Variants in ALG2 observed in about 807,000 individuals in gnomAD.
The protein encoded by ALG2 is alpha-1,3/1,6-mannosyltransferase ALG2.
In ALG2, 32 loss-of-function variants were observed where a neutral mutation model predicts 30.5. The observed-to-expected ratio is 1.05, with a 90% confidence interval of 0.79 to 1.41. The LOEUF is 1.41. Ranked by LOEUF, ALG2 falls within the 40% of genes most tolerant of loss-of-function variation. ALG2 has a pLI of 0.00. For synonymous variants in ALG2, 253 were observed against 224.8 expected (o/e 1.13, Z -1.12); for missense variants, 574 against 526.4 (o/e 1.09, Z -0.88).
Position 99,217,874 on chromosome 9 carries a change from T to C in ALG2, c.*60A>G. 2 of 1,580,506 alleles carry C rather than the reference T, an allele frequency of 1.3e-6. No homozygotes were observed. Among genetic ancestry groups the C allele is most frequent in the Non-Finnish European group, 8.7e-7 (1 of 1,150,440 alleles). Reference sequence around the variant, plus strand: ...TAGATTCTAGGTTTCTTTTTTGGTTTCAAAACTGGGTCTACAATCCATAAA... The same window carrying C: ...TAGATTCTAGGTTTCTTTTTTGGTTCCAAAACTGGGTCTACAATCCATAAA... On this transcript the variant is annotated 3_prime_UTR_variant, in exon 2 of 2. Coordinates refer to ENST00000476832, the MANE Select transcript of ALG2 (RefSeq NM_033087.4).
chr9:99,220,092 C>T (rs1427766647), intron 1 of ALG2, among the ~76,000 whole-genome samples: 1 of 152,218 alleles, frequency 6.6e-6, no homozygotes, highest in Non-Finnish European at 1.5e-5. Context: ...AGTAAAGTGA[C>T]ACAGCCTCCT....
At position 99,218,134 on chromosome 9, in the gene ALG2, C is replaced by G. The variant is rs1828726794; in HGVS notation, c.1051G>C (p.Glu351Gln). 1.2e-6 allele frequency: 2 copies of G among 1,611,296 alleles called. No homozygotes were observed. Among genetic ancestry groups the G allele is most frequent in the Admixed American group, 3.3e-5 (2 of 59,902 alleles). ...CCTGTGACACTGTGGTCAATGGACT[C>G]CAAGGGTCCACCCGAATTAACAGCA... Reference protein sequence around the residue: ...VIAVNSGGPLESIDHSVTGFL... With the variant: ...VIAVNSGGPLQSIDHSVTGFL... The change falls in exon 2 of 2, where the codon GAG becomes CAG. Residue 351 changes from glutamate to glutamine, a missense_variant. Physicochemically the swap from Glu to Gln is conservative, Grantham distance 29. Transcript: ENST00000476832.
rs960318802 is a variant in ALG2 at position 99,217,491 on chromosome 9, G to T, written c.*443C>A. 4.4e-6 allele frequency: 2 copies of T among 454,738 alleles called. No homozygotes were observed. Among genetic ancestry groups the T allele is most frequent in the African/African-American group, 4.0e-5 (2 of 50,006 alleles). The allele number at this position is 454,738 out of a possible 1,614,324, so 28.2% of individuals were successfully genotyped here. On this transcript the variant is annotated 3_prime_UTR_variant, in exon 2 of 2. Coordinates refer to ENST00000476832, the MANE Select transcript of ALG2 (RefSeq NM_033087.4). ...GACAAACAAAAATTCCCTAACAGAT[G>T]ACAGTGAACACTTCGGTGGATTGAA...
intron 1 of ALG2, 140 bp downstream of exon 1, chr9:99,221,407 G>A: frequency 1.9e-6 from 2 of 1,039,110 alleles, no homozygotes; most frequent in Non-Finnish European, 2.8e-6. Flanking sequence ...CCACAGGCTC[G>A]CTCACAACCC....
chr9:99,221,477 G>C, intron 1 of ALG2, 70 bp downstream of exon 1: 1 of 1,474,402 alleles, frequency 6.8e-7, no homozygotes, highest in Middle Eastern at 2.0e-4. Context: ...TCTTCTCTCA[G>C]GGGTCATGCC....
In ALG2 at chr9:99,218,204, A is replaced by G. The variant is rs34382969; in HGVS notation, c.981T>C (p.Phe327=). ...CVLYTPSNEH[F]GIVPLEAMYM... is the part of the protein sequence containing the mutation. ...ACATGGCTTCCAGAGGGACAATGCC[A>G]AAGTGCTCATTGCTTGGTGTGTAAA... is the stretch of plus-strand genomic sequence containing the variant. The change falls in exon 2 of 2, where the codon TTT becomes TTC. Residue 327 remains phenylalanine (F), a synonymous_variant. Coordinates refer to ENST00000476832, the MANE Select transcript of ALG2 (RefSeq NM_033087.4). 21 of 1,614,038 alleles carry G rather than the reference A, an allele frequency of 1.3e-5. No individual in the cohort carries two copies. The highest frequency in any genetic ancestry group is 6.7e-5 in the African/African-American group (5 of 74,936).
chr9:99,219,767 A>G (rs1828759629), intron 1 of ALG2, among the ~76,000 whole-genome samples: 1 of 152,248 alleles, frequency 6.6e-6, no homozygotes, highest in African/African-American at 2.4e-5. Context: ...AAAGCCACTT[A>G]ATTAAAGCAG....
At chr9:99,221,450 A>G in intron 1 of ALG2, 97 bp downstream of exon 1, 4 of 1,351,334 alleles carry the variant, frequency 3.0e-6, no homozygotes, top group Non-Finnish European at 4.1e-6. Context: ...ATCTTTGCGA[A>G]CCGCAGACAG....
At chr9:99,221,099 G>A (rs756223011) in intron 1 of ALG2, 2 of 1,362,630 alleles carry the variant, frequency 1.5e-6, no homozygotes, top group East Asian at 4.5e-5. Context: ...GGACGGTGTG[G>A]CCTGGCTCCG....
Position 99,221,658 on chromosome 9 carries a change from C to G in ALG2, c.237G>C (p.Leu79=). The change falls in exon 1 of 2, where the codon CTG becomes CTC. Residue 79 remains leucine, a synonymous_variant. Coordinates refer to ENST00000476832, the MANE Select transcript of ALG2 (RefSeq NM_033087.4). ...RCAGDWLPRG[L]GWGGRGAAVC... is the part of the protein sequence containing the mutation. Reference sequence around the variant, plus strand: ...CGGCGGCGCCGCGGCCGCCCCAGCCCAGGCCTCGCGGCAGCCAGTCCCCGG... The same window carrying G: ...CGGCGGCGCCGCGGCCGCCCCAGCCGAGGCCTCGCGGCAGCCAGTCCCCGG... 2.6e-6 allele frequency: 4 copies of G among 1,547,912 alleles called. No individual in the cohort carries two copies. Among genetic ancestry groups the G allele is most frequent in the Non-Finnish European group, 3.5e-6 (4 of 1,150,332 alleles).
chr9:99,220,134 T>C (rs1184397629), intron 1 of ALG2, among the ~76,000 whole-genome samples: 1 of 152,222 alleles, frequency 6.6e-6, no homozygotes, highest in Admixed American at 6.5e-5. Context: ...GCTATTGATA[T>C]TTAAAATGAA....
intron 1 of ALG2, 145 bp downstream of exon 1, chr9:99,221,402 G>T: frequency 9.9e-7 from 1 of 1,007,660 alleles, no homozygotes; most frequent in Non-Finnish European, 1.5e-6. Context: ...GAGAACCACA[G>T]GCTCGCTCAC....
Position 99,221,730 on chromosome 9 carries a change from G to A in ALG2, c.165C>T (p.Asp55=). 4 of 1,598,404 alleles carry A rather than the reference G, an allele frequency of 2.5e-6. No homozygotes were observed. Among genetic ancestry groups the A allele is most frequent in the Non-Finnish European group, 3.4e-6 (4 of 1,179,276 alleles). Reference sequence around the variant, plus strand: ...GGCTCTCGGCGAAACAGTGGCCCGGGTCGTAGTGCGCTGTCCAGATCTTCA... The same window carrying A: ...GGCTCTCGGCGAAACAGTGGCCCGGATCGTAGTGCGCTGTCCAGATCTTCA... ...CSVKIWTAHY[D]PGHCFAESRE... The change falls in exon 1 of 2, where the codon GAC becomes GAT. Residue 55 remains aspartate, a synonymous_variant. Transcript: ENST00000476832.
Position 99,216,752 on chromosome 9 carries a change from T to G in ALG2, c.*1182A>C, listed in dbSNP as rs996897017. The G allele has an allele frequency of 4.0e-5, 18 of 453,506 alleles. No homozygotes were observed. The highest frequency in any genetic ancestry group is 7.9e-5 in the Non-Finnish European group (18 of 226,556). The allele number at this position is 453,506 out of a possible 1,614,324, so 28.1% of individuals were successfully genotyped here. A position where few individuals can be genotyped will look rare whatever the true frequency, so the allele number is the denominator to read the frequency against. On this transcript the variant is annotated 3_prime_UTR_variant, in exon 2 of 2. Transcript: ENST00000476832. ...TAACCGCACTATGAGGAAAGTAGAA[T>G]AGTACAATTATCTCACTTTGCAGAT... is the stretch of plus-strand genomic sequence containing the variant.
chr9:99,217,858 G>A lies in ALG2; in HGVS notation c.*76C>T, dbSNP rs186134722. The A allele has an allele frequency of 8.1e-6, 12 of 1,486,262 alleles. No individual in the cohort carries two copies. The East Asian group carries it at 2.7e-4, about 34-fold the overall frequency. The allele number at this position is 1,486,262 out of a possible 1,614,324, so 92.1% of individuals were successfully genotyped here. A position where few individuals can be genotyped will look rare whatever the true frequency, so the allele number is the denominator to read the frequency against. On this transcript the variant is annotated 3_prime_UTR_variant, in exon 2 of 2. Coordinates refer to ENST00000476832, the MANE Select transcript of ALG2 (RefSeq NM_033087.4). ...AAGATCTCTTCTGCATTAGATTCTA[G>A]GTTTCTTTTTTGGTTTCAAAACTGG...
chr9:99,217,913 G>A lies in ALG2; in HGVS notation c.*21C>T. 6.2e-7 allele frequency: 1 copy of A among 1,612,706 alleles called. No individual in the cohort carries two copies. Among genetic ancestry groups the A allele is most frequent in the Non-Finnish European group, 8.5e-7 (1 of 1,178,752 alleles). Reference sequence around the variant, plus strand: ...ACAATCCATAAAAATGACATTAATGGAGATCTTAAAAACAATCTGATTATA... The same window carrying A: ...ACAATCCATAAAAATGACATTAATGAAGATCTTAAAAACAATCTGATTATA... On this transcript the variant is annotated 3_prime_UTR_variant, in exon 2 of 2. Coordinates refer to ENST00000476832, the MANE Select transcript of ALG2 (RefSeq NM_033087.4).
chr9:99,220,187 A>G (rs1320846644), intron 1 of ALG2, among the ~76,000 whole-genome samples: 1 of 152,224 alleles, frequency 6.6e-6, no homozygotes, highest in Non-Finnish European at 1.5e-5. Flanking sequence ...CTCAAACGAC[A>G]TATTTGCAGA....
At chr9:99,220,680 G>A (rs1828778730) in intron 1 of ALG2, among the ~76,000 whole-genome samples, 2 of 152,096 alleles carry the variant, frequency 1.3e-5, no homozygotes, top group Non-Finnish European at 2.9e-5. Context: ...TGAAAAAGAT[G>A]CCTAATAGTA....
In ALG2 at chr9:99,217,293, G is replaced by A. The variant is rs1238868050; in HGVS notation, c.*641C>T. On this transcript the variant is annotated 3_prime_UTR_variant, in exon 2 of 2. Coordinates refer to ENST00000476832, the MANE Select transcript of ALG2 (RefSeq NM_033087.4). Reference sequence around the variant, plus strand: ...CTTTACCCTAGTGTTCTGATTTCCAGTTTGGTTGTCATATCCATGTTCGTA... The same window carrying A: ...CTTTACCCTAGTGTTCTGATTTCCAATTTGGTTGTCATATCCATGTTCGTA... The A allele has an allele frequency of 1.1e-5, 5 of 453,948 alleles. No homozygotes were observed. Among genetic ancestry groups the A allele is most frequent in the Non-Finnish European group, 2.2e-5 (5 of 226,792 alleles). The allele number at this position is 453,948 out of a possible 1,614,324, so 28.1% of individuals were successfully genotyped here.
Sources: allele counts gnomAD v4.1 joint callset (sites outside exome capture counted in the v4.1 genomes callset), GRCh38; gene constraint gnomAD v4.1.1; transcripts MANE v1.5; gene names NCBI Gene and HGNC (gene_info 2026-07-23, HGNC 2026-07-21).